AGBL1: variants seen among roughly 807,000 people sequenced by gnomAD.
AGBL1 encodes cytosolic carboxypeptidase 4.
A neutral mutation model predicts 118.9 loss-of-function variants in AGBL1; 130 were observed. The observed-to-expected ratio is 1.09, with a 90% CI of 0.95 to 1.26. AGBL1 has a LOEUF of 1.26. Among genes scored for constraint, AGBL1 ranks in the 50% most tolerant of loss-of-function variants. The probability of loss-of-function intolerance (pLI) is 0.00; values close to 1 mark genes in which losing one functional copy is unlikely to be tolerated. For missense variants in AGBL1, 1,584 were observed against 1,298.1 expected (o/e 1.22, Z -3.38); for synonymous variants, 555 against 478.9 (o/e 1.16, Z -2.08).
intron 23 of AGBL1, among the ~76,000 whole-genome samples, chr15:86,936,959 G>A (rs2080683798): frequency 6.6e-6 from 1 of 151,760 alleles, no homozygotes; most frequent in Admixed American, 6.6e-5. Context: ...ATTTATGAAA[G>A]GAAACATACA....
intron 22 of AGBL1, among the ~76,000 whole-genome samples, chr15:86,823,017 C>T (rs996931336): frequency 2.0e-5 from 3 of 152,094 alleles, no homozygotes; most frequent in African/African-American, 7.2e-5. Context: ...GATGGAGTTG[C>T]TTTAGTCTCA....
At chr15:86,395,173 T>C (rs575114240) in intron 17 of AGBL1, among the ~76,000 whole-genome samples, 1 of 152,124 alleles carries the variant, frequency 6.6e-6, no homozygotes, top group Non-Finnish European at 1.5e-5. Flanking sequence ...AAACAAAATA[T>C]ATAAGAAAGG....
rs1328524433 is a variant in AGBL1 at position 86,863,318 on chromosome 15, C to T, written c.3159-43769C>T. 3.9e-5 allele frequency among the ~76,000 whole-genome samples: 6 copies of T among 152,194 alleles called. No individual in the cohort carries two copies. The East Asian group carries it at 5.8e-4, about 15-fold the overall frequency. ...ACCCCTAAGGAACTGCATATTTCCT[C>T]ATCAAAGAGAAAGGCAACCGTGAAG... On this transcript the variant is annotated intron_variant, in intron 22 of 22. Coordinates refer to ENST00000614907, the MANE Select transcript of AGBL1 (RefSeq NM_001386094.1).
intron 21 of AGBL1, among the ~76,000 whole-genome samples, chr15:86,632,002 C>G (rs1335844891): frequency 6.6e-6 from 1 of 150,760 alleles, no homozygotes; most frequent in African/African-American, 2.4e-5. Flanking sequence ...GCAGTCTGCG[C>G]AAGCCTAGGG....
chr15:86,920,166 A>G (rs749376373), downstream of AGBL1, among the ~76,000 whole-genome samples: 4 of 152,164 alleles, frequency 2.6e-5, no homozygotes, highest in African/African-American at 4.8e-5. Context: ...CAGGGAAAGA[A>G]TCTGCTTCCA....
At chr15:86,604,217 G>A (rs1238444947) in intron 21 of AGBL1, among the ~76,000 whole-genome samples, 1 of 151,870 alleles carries the variant, frequency 6.6e-6, no homozygotes. Flanking sequence ...TTACAAAGTT[G>A]TAATATGAAA....
chr15:86,135,209 C>G (rs2141622182), intron 1 of AGBL1, among the ~76,000 whole-genome samples: 1 of 152,300 alleles, frequency 6.6e-6, no homozygotes, highest in Non-Finnish European at 1.5e-5. Context: ...TCCCTTCCTT[C>G]TCTCACTTCC....
chr15:86,159,102 A>T (rs2077232084), intron 5 of AGBL1, 76 bp downstream of exon 5: 2 of 1,351,874 alleles, frequency 1.5e-6, no homozygotes, highest in South Asian at 1.2e-5. Context: ...ATGTATTTTC[A>T]TGATGCTTCC....
chr15:86,087,483 C>A (rs1895740572), intron 1 of AGBL1, among the ~76,000 whole-genome samples: 1 of 152,062 alleles, frequency 6.6e-6, no homozygotes, highest in Non-Finnish European at 1.5e-5. Context: ...TGCACACCAC[C>A]ATCCCTAGCT....
intron 24 of AGBL1, among the ~76,000 whole-genome samples, chr15:86,995,668 A>G (rs937052555): frequency 6.6e-6 from 1 of 152,196 alleles, no homozygotes; most frequent in Non-Finnish European, 1.5e-5. Flanking sequence ...TTTGCCACCA[A>G]TGTCTCTGAT....
At chr15:86,156,900 G>A (rs1005789966) in intron 4 of AGBL1, among the ~76,000 whole-genome samples, 3 of 148,270 alleles carry the variant, frequency 2.0e-5, no homozygotes, top group African/African-American at 7.5e-5. Flanking sequence ...AATGATTCTC[G>A]TGCCTTAGCC....
chr15:86,281,139 T>G (rs1451427557), intron 16 of AGBL1, among the ~76,000 whole-genome samples: 1 of 152,216 alleles, frequency 6.6e-6, no homozygotes, highest in African/African-American at 2.4e-5. Flanking sequence ...ATCCCAGCAC[T>G]TTGGGAGGCC....
chr15:86,880,868 C>G (rs2079882088), intron 22 of AGBL1, among the ~76,000 whole-genome samples: 1 of 152,162 alleles, frequency 6.6e-6, no homozygotes, highest in Non-Finnish European at 1.5e-5. Flanking sequence ...TTGGCCTTTA[C>G]TTCCCTGTTA....
intron 22 of AGBL1, among the ~76,000 whole-genome samples, chr15:86,842,937 C>T (rs1385994673): frequency 4.6e-5 from 7 of 152,092 alleles, no homozygotes; most frequent in Non-Finnish European, 1.0e-4. Flanking sequence ...TTAGACAATT[C>T]AATCTGGAAA....
intron 18 of AGBL1, among the ~76,000 whole-genome samples, chr15:86,451,729 A>G (rs2082196102): frequency 6.6e-6 from 1 of 151,986 alleles, no homozygotes; most frequent in Non-Finnish European, 1.5e-5. Flanking sequence ...TGTCTTTTCC[A>G]TGTCTCCCTT....
At chr15:86,101,404 GTT>G (rs55650191) in intron 1 of AGBL1, among the ~76,000 whole-genome samples, 29 of 149,880 alleles carry the variant, frequency 1.9e-4, no homozygotes, top group African/African-American at 5.9e-4. Flanking sequence ...AAATCCAATG[GTT>G]TTTTTTTTTG....
chr15:86,830,993 C>T (rs578208840), intron 22 of AGBL1, among the ~76,000 whole-genome samples: 3 of 152,150 alleles, frequency 2.0e-5, no homozygotes, highest in Admixed American at 2.0e-4. Context: ...TGGGGAGGCC[C>T]CACAATTATG....
At chr15:86,147,589 G>C (rs1395803493) in intron 3 of AGBL1, among the ~76,000 whole-genome samples, 3 of 152,176 alleles carry the variant, frequency 2.0e-5, no homozygotes, top group Non-Finnish European at 4.4e-5. Context: ...GGCCTGACTA[G>C]GTAAACAAAG....
At chr15:86,397,674 T>C in intron 18 of AGBL1, 128 bp downstream of exon 18, 1 of 852,282 alleles carries the variant, frequency 1.2e-6, no homozygotes, top group Non-Finnish European at 1.8e-6. Flanking sequence ...GTTTTCTGTT[T>C]TCTGCTACAA....
Sources: gnomAD v4.1 joint callset for allele counts (sites outside exome capture counted in the v4.1 genomes callset) on GRCh38, gnomAD v4.1.1 for gene constraint, MANE v1.5 for transcripts, NCBI Gene and HGNC (gene_info 2026-07-23, HGNC 2026-07-21) for gene names.